Variants in CENPL observed in about 807,000 individuals in gnomAD.
CENPL encodes the protein interphase centromere complex protein 33.
In CENPL, 20 loss-of-function variants were observed where a neutral mutation model predicts 35.2. The observed-to-expected ratio is 0.57, with a 90% CI of 0.40 to 0.83. The LOEUF (loss-of-function observed/expected upper bound fraction) is 0.83. CENPL is among the 40% of genes least tolerant of loss of function. The pLI, the probability that CENPL is intolerant of heterozygous loss-of-function variation, is 0.00. For synonymous variants in CENPL, 140 were observed against 140.6 expected (o/e 1.00, Z 0.03); for missense variants, 363 against 395.8 (o/e 0.92, Z 0.70).
chr1:173,807,098 T>C (rs528556571), intron 4 of CENPL, among the ~76,000 whole-genome samples, 169 bp downstream of exon 4: 2 of 152,276 alleles, frequency 1.3e-5, no homozygotes, highest in Non-Finnish European at 2.9e-5. Flanking sequence ...ACTTTTTTGG[T>C]ATTTTTATGT....
At chr1:173,816,818 G>A (rs1000270310) in intron 2 of CENPL, among the ~76,000 whole-genome samples, 26 of 152,140 alleles carry the variant, frequency 1.7e-4, no homozygotes, top group South Asian at 4.1e-4. Context: ...GGCAACAAAA[G>A]CCAAAATAGA....
intron 2 of CENPL, chr1:173,822,117 G>T (rs1652010977): frequency 6.6e-6 from 1 of 152,098 alleles, no homozygotes; most frequent in Admixed American, 6.6e-5. Flanking sequence ...TCCTGGAAAC[G>T]TCGTCTACAC....
Position 173,824,241 on chromosome 1 carries a change from T to G in CENPL, c.-131A>C, listed in dbSNP as rs1445077989. 2 of 152,098 alleles carry G rather than the reference T, an allele frequency of 1.3e-5. No homozygotes were observed. Among genetic ancestry groups the G allele is most frequent in the Non-Finnish European group, 2.9e-5 (2 of 68,076 alleles). The allele number at this position is 152,098 out of a possible 1,614,324, so 9.4% of individuals were successfully genotyped here. On this transcript the variant is annotated 5_prime_UTR_variant, in exon 1 of 6. Coordinates refer to ENST00000682279, the MANE Select transcript of CENPL (RefSeq NM_001387287.1). ...CTCTGCGACCCTCGCTCCTGCGGAGTCAGCTTCTGCTCGCGGAGGGGGAAG... is the reference window on the plus strand; with the variant it reads ...CTCTGCGACCCTCGCTCCTGCGGAGGCAGCTTCTGCTCGCGGAGGGGGAAG...
intron 2 of CENPL, among the ~76,000 whole-genome samples, chr1:173,811,744 G>A (rs1650845523): frequency 6.6e-6 from 1 of 152,254 alleles, no homozygotes; most frequent in South Asian, 2.1e-4. Flanking sequence ...CTCCCAGCAT[G>A]ATCGATGCAG....
chr1:173,820,875 A>C (rs754313978), intron 2 of CENPL, among the ~76,000 whole-genome samples: 62 of 152,348 alleles, frequency 4.1e-4, no homozygotes, highest in Middle Eastern at 6.8e-3. Flanking sequence ...GCTGACAGAG[A>C]TCAGGGAAAG....
In CENPL at chr1:173,803,143, T is replaced by C; in HGVS notation, c.783A>G (p.Ala261=). 1 of 1,614,174 alleles carries C rather than the reference T, an allele frequency of 6.2e-7. No homozygotes were observed. The part of the protein sequence containing the change: ...DISFAIHPED[A]KALWDSVHKT... ...TGTGGACACTGTCCCATAGAGCTTT[T>C]GCATCCTCTGGATGTATTGCGAAAG... Residue 261 remains alanine (A), a synonymous_variant, in exon 5 of 6, where the codon GCA becomes GCG. Coordinates refer to ENST00000682279, the MANE Select transcript of CENPL (RefSeq NM_001387287.1).
At chr1:173,802,405 AC>A (rs2102561296) in intron 5 of CENPL, among the ~76,000 whole-genome samples, 1 of 152,098 alleles carries the variant, frequency 6.6e-6, no homozygotes, top group East Asian at 1.9e-4. Flanking sequence ...ACGGGGTTTC[AC>A]CGTGTTAGCC....
At chr1:173,817,160 A>G (rs1571966629) in intron 2 of CENPL, among the ~76,000 whole-genome samples, 2 of 150,824 alleles carry the variant, frequency 1.3e-5, no homozygotes, top group Admixed American at 6.6e-5. Flanking sequence ...AAGCAAAAAA[A>G]TAAATAAATA....
chr1:173,813,368 A>G (rs1259476089), intron 2 of CENPL, among the ~76,000 whole-genome samples: 1 of 152,182 alleles, frequency 6.6e-6, no homozygotes, highest in Non-Finnish European at 1.5e-5. Context: ...CAAGACACGT[A>G]ATTGTCAGAT....
At chr1:173,807,604 A>G in intron 3 of CENPL, 86 bp from the exon 4 acceptor site, 3 of 1,124,816 alleles carry the variant, frequency 2.7e-6, no homozygotes, top group Non-Finnish European at 3.7e-6. Context: ...TCTAATACAA[A>G]TATATTATTG....
intron 3 of CENPL, among the ~76,000 whole-genome samples, chr1:173,809,955 T>C (rs1036143003): frequency 6.6e-6 from 1 of 152,188 alleles, no homozygotes; most frequent in Non-Finnish European, 1.5e-5. Flanking sequence ...TGTGTGGCAA[T>C]TCCTCAAAGA....
intron 2 of CENPL, among the ~76,000 whole-genome samples, chr1:173,818,976 T>C (rs1313104504): frequency 6.6e-6 from 1 of 152,202 alleles, no homozygotes; most frequent in Non-Finnish European, 1.5e-5. Context: ...AGCTCATGAC[T>C]GTAATCCCAA....
At chr1:173,805,197 A>G (rs2102568851) in intron 4 of CENPL, among the ~76,000 whole-genome samples, 1 of 152,262 alleles carries the variant, frequency 6.6e-6, no homozygotes, top group South Asian at 2.1e-4. Flanking sequence ...TTGTCTCTTG[A>G]GTATCCATTT....
intron 2 of CENPL, among the ~76,000 whole-genome samples, chr1:173,814,961 AGAG>A (rs1651214430): frequency 6.6e-6 from 1 of 152,222 alleles, no homozygotes; most frequent in South Asian, 2.1e-4. Context: ...AGAAGAAAAG[AGAG>A]AAGAAGCACA....
At chr1:173,814,853 T>C (rs565364165) in intron 2 of CENPL, among the ~76,000 whole-genome samples, 6 of 151,634 alleles carry the variant, frequency 4.0e-5, no homozygotes, top group African/African-American at 1.2e-4. Flanking sequence ...CTGAAGGAGA[T>C]AGAAACACAA....
At chr1:173,809,683 C>T (rs758235565) in intron 3 of CENPL, among the ~76,000 whole-genome samples, 7 of 149,724 alleles carry the variant, frequency 4.7e-5, no homozygotes, top group Admixed American at 1.3e-4. Context: ...CAAAAGAAGA[C>T]ATACATGAGG....
At position 173,800,171 on chromosome 1, in the gene CENPL, A is replaced by G. The variant is rs1464851350; in HGVS notation, c.*277T>C. The G allele has an allele frequency of 2.3e-5, 5 of 213,420 alleles. No individual in the cohort carries two copies. Among genetic ancestry groups the G allele is most frequent in the Non-Finnish European group, 4.7e-5 (5 of 106,442 alleles). 13.2% of individuals were successfully genotyped at this position (213,420 alleles called of 1,614,324 possible). ...CACCAAGCCCAGCCTATATATATAT[A>G]TTTAAAGATGACAAGAAATTAACAA... is the stretch of plus-strand genomic sequence containing the variant. On this transcript the variant is annotated 3_prime_UTR_variant, in exon 6 of 6. Coordinates refer to ENST00000682279, the MANE Select transcript of CENPL (RefSeq NM_001387287.1).
At position 173,824,320 on chromosome 1, in the gene CENPL, A is replaced by G. The variant is rs1247902911; in HGVS notation, c.-210T>C. On this transcript the variant is annotated 5_prime_UTR_variant, in exon 1 of 6. Coordinates refer to ENST00000682279, the MANE Select transcript of CENPL (RefSeq NM_001387287.1). The stretch of plus-strand genomic sequence containing the variant: ...CCCTCTCCAGCTGAGCCTGTCAGAG[A>G]CCAGCCCAGCTCTGAAATCAAGCCG... 6.6e-6 allele frequency: 1 copy of G among 152,288 alleles called. No individual in the cohort carries two copies. Among genetic ancestry groups the G allele is most frequent in the East Asian group, 1.9e-4 (1 of 5,194 alleles). 9.4% of individuals were successfully genotyped at this position (152,288 alleles called of 1,614,324 possible).
intron 5 of CENPL, among the ~76,000 whole-genome samples, chr1:173,802,448 C>T (rs1390704754): frequency 2.0e-5 from 3 of 152,096 alleles, no homozygotes; most frequent in African/African-American, 4.8e-5. Context: ...CCTCATGATC[C>T]GCCCGCCTCG....
Sources: gnomAD v4.1 joint callset for allele counts (sites outside exome capture counted in the v4.1 genomes callset) on GRCh38, gnomAD v4.1.1 for gene constraint, MANE v1.5 for transcripts, NCBI Gene and HGNC (gene_info 2026-07-23, HGNC 2026-07-21) for gene names.